The following GLIS1 variants were observed in gnomAD, a reference collection of about 807,000 sequenced individuals.
GLIS1 encodes zinc finger protein GLIS1.
Under a neutral mutation model 63.8 loss-of-function variants are expected in GLIS1, and 24 were observed. That is an observed-to-expected ratio of 0.38 (90% CI 0.27 to 0.53). GLIS1 has a LOEUF of 0.53. GLIS1 is among the 20% of genes least tolerant of loss of function. The pLI, the probability that GLIS1 is intolerant of heterozygous loss-of-function variation, is 0.85. For synonymous variants in GLIS1, 450 were observed against 482.5 expected, an observed-to-expected ratio of 0.93 and a Z score of 0.88; for missense variants, 1,036 against 1,074.1, an observed-to-expected ratio of 0.96 and a Z score of 0.50.
chr1:53,528,358 T>C (rs757193612), intron 5 of GLIS1, among the ~76,000 whole-genome samples: 7 of 152,202 alleles, frequency 4.6e-5, no homozygotes, highest in Non-Finnish European at 1.0e-4. Context: ...CAGAGAGCAC[T>C]GGACTTGGAG....
chr1:53,563,909 G>A (rs1644913513), intron 4 of GLIS1, among the ~76,000 whole-genome samples: 1 of 152,088 alleles, frequency 6.6e-6, no homozygotes, highest in Non-Finnish European at 1.5e-5. Context: ...TCAAAGCACC[G>A]AAAGAAAATA....
At chr1:53,701,809 A>G (rs1207617549) in intron 2 of GLIS1, among the ~76,000 whole-genome samples, 1 of 152,090 alleles carries the variant, frequency 6.6e-6, no homozygotes, top group African/African-American at 2.4e-5. Context: ...CCTGCCCAGC[A>G]TGGAGAAACC....
At chr1:53,512,688 G>A (rs1644309085) in intron 8 of GLIS1, among the ~76,000 whole-genome samples, 1 of 152,184 alleles carries the variant, frequency 6.6e-6, no homozygotes, top group Non-Finnish European at 1.5e-5. Flanking sequence ...AGGCAGGGGT[G>A]GGCAGGCGGG....
intron 2 of GLIS1, among the ~76,000 whole-genome samples, chr1:53,687,559 C>T (rs1348682210): frequency 6.6e-6 from 1 of 152,148 alleles, no homozygotes; most frequent in Admixed American, 6.5e-5. Context: ...TGAAGGGCCC[C>T]CTGCTGTCGG....
At chr1:53,685,772 C>A (rs1295191233) in intron 2 of GLIS1, among the ~76,000 whole-genome samples, 1 of 152,208 alleles carries the variant, frequency 6.6e-6, no homozygotes, top group African/African-American at 2.4e-5. Context: ...TCAGCGCTGG[C>A]CACCGCTACC....
chr1:53,666,824 C>A, intron 2 of GLIS1, among the ~76,000 whole-genome samples: 1 of 152,158 alleles, frequency 6.6e-6, no homozygotes, highest in Non-Finnish European at 1.5e-5. Context: ...TCAAACTCTG[C>A]TGTGCTCCTA....
chr1:53,617,335 C>T (rs1645492579), intron 2 of GLIS1, among the ~76,000 whole-genome samples: 1 of 152,192 alleles, frequency 6.6e-6, no homozygotes, highest in Non-Finnish European at 1.5e-5. Flanking sequence ...TATCTGTAAA[C>T]AAGCAACCTG....
intron 2 of GLIS1, among the ~76,000 whole-genome samples, chr1:53,647,110 C>T (rs548115532): frequency 3.3e-5 from 5 of 152,048 alleles, no homozygotes; most frequent in East Asian, 1.9e-4. Flanking sequence ...TTAGAAATTC[C>T]AAATTTATCT....
At chr1:53,600,660 A>T (rs1025889875) in intron 2 of GLIS1, among the ~76,000 whole-genome samples, 6 of 152,178 alleles carry the variant, frequency 3.9e-5, no homozygotes, top group Non-Finnish European at 2.9e-5. Flanking sequence ...CTCATGAGGC[A>T]AGGTGTGAGA....
intron 4 of GLIS1, among the ~76,000 whole-genome samples, chr1:53,530,819 T>C (rs535474275): frequency 6.6e-6 from 1 of 152,278 alleles, no homozygotes; most frequent in South Asian, 2.1e-4. Flanking sequence ...CAGCAGCCTC[T>C]CCTCCTTCAG....
In GLIS1 at chr1:53,514,734, G is replaced by C; in HGVS notation, c.1774C>G (p.Leu592Val). 1.2e-6 allele frequency: 2 copies of C among 1,611,708 alleles called. No homozygotes were observed. Among genetic ancestry groups the C allele is most frequent in the Non-Finnish European group, 1.7e-6 (2 of 1,178,964 alleles). The stretch of plus-strand genomic sequence containing the variant: ...GGTACGTCGTGCGCTGGGGGCAGGA[G>C]GCCCGATGCAAGTCCGTTATGGGGG... The part of the protein sequence containing the change: ...ITPHNGLASG[L>V]LPPAHDVPSR... Residue 592 changes from leucine (L) to valine (V), a missense_variant, in exon 8 of 11, where the codon CTC (leucine) becomes GTC (valine). This residue lies in a region of GLIS1 where 400 missense variants were observed against 400.9 expected (regional missense o/e 1.00). Transcript: ENST00000628545.
chr1:53,628,635 TCAA>T (rs1645621172), intron 2 of GLIS1, among the ~76,000 whole-genome samples: 1 of 152,054 alleles, frequency 6.6e-6, no homozygotes, highest in African/African-American at 2.4e-5. Context: ...TTGGTCAAGA[TCAA>T]GCGGGATGTG....
chr1:53,535,570 A>T (rs1644573713), intron 4 of GLIS1, among the ~76,000 whole-genome samples: 2 of 151,946 alleles, frequency 1.3e-5, no homozygotes, highest in South Asian at 4.1e-4. Flanking sequence ...TGCTTGAGCC[A>T]GGAACATGTT....
At chr1:53,719,028 G>T (rs1201882608) in intron 2 of GLIS1, among the ~76,000 whole-genome samples, 1 of 152,136 alleles carries the variant, frequency 6.6e-6, no homozygotes, top group Admixed American at 6.5e-5. Context: ...GCAGGCACCC[G>T]CATGCATCCC....
At chr1:53,696,622 C>T (rs540739123) in intron 2 of GLIS1, among the ~76,000 whole-genome samples, 113 of 151,720 alleles carry the variant, frequency 7.4e-4, no homozygotes, top group Non-Finnish European at 1.4e-3. Context: ...CCCACCCGGC[C>T]ATGCTCATGA....
chr1:53,594,753 G>A lies in GLIS1; in HGVS notation c.675C>T (p.Gly225=). Residue 225 remains glycine (G), a synonymous_variant, in exon 4 of 11, where the codon GGC becomes GGT. Transcript: ENST00000628545. ...CGGGGAGGTGGGTCTCGGGCTGGAG[G>A]CCCAGGCCAGAGCTGGGTTCGCTGC... The part of the protein sequence containing the change: ...LLGSEPSSGL[G]LQPETHLPEG... 1.3e-6 allele frequency: 2 copies of A among 1,589,114 alleles called. No homozygotes were observed. The highest frequency in any genetic ancestry group is 8.6e-7 in the Non-Finnish European group (1 of 1,168,668).
rs554857843 is a variant in GLIS1 at position 53,632,846 on chromosome 1, T to G, written c.260-32568A>C. On this transcript the variant is annotated intron_variant, in intron 2 of 10. Transcript: ENST00000628545. ...TGAATGAGTGTGACTAAGGGGCGTG[T>G]ATGTATGTGACCGAGAGGCATGTGT... Among the ~76,000 whole-genome samples the G allele has an allele frequency of 1.2e-4, 18 of 144,994 alleles. 1 individual carries two copies. In the South Asian group the frequency reaches 3.8e-3, roughly 31 times the overall value.
intron 4 of GLIS1, among the ~76,000 whole-genome samples, chr1:53,591,447 T>C (rs1569877595): frequency 1.3e-5 from 2 of 152,246 alleles, no homozygotes; most frequent in African/African-American, 4.8e-5. Flanking sequence ...AACAAGAGCA[T>C]TGCAGTTTGG....
chr1:53,712,348 T>G (rs985046019), intron 2 of GLIS1, among the ~76,000 whole-genome samples: 1 of 152,246 alleles, frequency 6.6e-6, no homozygotes, highest in Non-Finnish European at 1.5e-5. Flanking sequence ...CCAATGCTGC[T>G]GGTCCAGAAA....
Sources: gnomAD v4.1 joint callset for allele counts (sites outside exome capture counted in the v4.1 genomes callset) on GRCh38, gnomAD v4.1.1 for gene constraint, gnomAD v4.1.1 regional missense constraint, MANE v1.5 for transcripts, NCBI Gene and HGNC (gene_info 2026-07-23, HGNC 2026-07-21) for gene names.